The following CA10 variants were observed in gnomAD, a reference collection of about 807,000 sequenced individuals.
CA10 encodes carbonic anhydrase-related protein 10.
In CA10, 14 loss-of-function variants were observed where a neutral mutation model predicts 44.2. The ratio of observed to expected loss-of-function variants is 0.32; its 90% CI spans 0.21 to 0.50. CA10 has a LOEUF of 0.50. CA10 is among the 20% of genes least tolerant of loss of function. CA10 has a pLI of 0.99. For missense variants in CA10, 350 were observed against 409.7 expected, an observed-to-expected ratio of 0.85 and a Z score of 1.26; for synonymous variants, 159 against 141.6, an observed-to-expected ratio of 1.12 and a Z score of -0.87.
At chr17:52,069,481 T>A (rs959722486) in intron 2 of CA10, among the ~76,000 whole-genome samples, 1 of 152,138 alleles carries the variant, frequency 6.6e-6, no homozygotes, top group African/African-American at 2.4e-5. Flanking sequence ...GTAAACAACA[T>A]CTGTTAAACA....
chr17:51,706,749 C>G (rs1226325371), intron 4 of CA10, among the ~76,000 whole-genome samples: 1 of 152,188 alleles, frequency 6.6e-6, no homozygotes, highest in African/African-American at 2.4e-5. Flanking sequence ...ATCCTATGCA[C>G]TCTCTCCTAA....
chr17:52,005,347 CATTA>C (rs1464169341), intron 2 of CA10, among the ~76,000 whole-genome samples: 7 of 151,848 alleles, frequency 4.6e-5, no homozygotes, highest in Non-Finnish European at 1.0e-4. Context: ...TTTTAATCTC[CATTA>C]ATTATTGATC....
intron 1 of CA10, among the ~76,000 whole-genome samples, chr17:52,130,848 C>T (rs572186792): frequency 6.6e-6 from 1 of 151,962 alleles, no homozygotes; most frequent in Non-Finnish European, 1.5e-5. Context: ...CAGGCACACA[C>T]CACCAAAGGA....
In CA10 at chr17:51,670,737, G is replaced by GGCT. The variant is rs139182365; in HGVS notation, c.466-17004_466-17002dup. ...ATTATTGGGCTATAATGTGAGCCAG[G>GGCT]GCTGTGTTAGCCTGTTCTGATGCAT... On this transcript the variant is annotated intron_variant, in intron 4 of 8. Coordinates refer to ENST00000451037, the MANE Select transcript of CA10 (RefSeq NM_020178.5). Among the ~76,000 whole-genome samples, 957 of 152,206 alleles carry GGCT rather than the reference G, an allele frequency of 6.3e-3. 8 individuals are homozygous for GGCT. The highest frequency in any genetic ancestry group is 0.022 in the African/African-American group (920 of 41,518).
At chr17:51,947,249 C>T (rs1983315490) in intron 2 of CA10, among the ~76,000 whole-genome samples, 1 of 125,090 alleles carries the variant, frequency 8.0e-6, no homozygotes, top group African/African-American at 2.9e-5. Context: ...AAAAAAAAAG[C>T]CAAAAACCTT....
At chr17:51,831,699 G>T (rs148930319) in intron 3 of CA10, among the ~76,000 whole-genome samples, 64 of 66,204 alleles carry the variant, frequency 9.7e-4, no homozygotes, top group African/African-American at 4.3e-3. Flanking sequence ...AGCAGCAGCA[G>T]CAGCAGCAGC....
chr17:51,899,045 G>T (rs1981197404), intron 3 of CA10, among the ~76,000 whole-genome samples: 1 of 151,782 alleles, frequency 6.6e-6, no homozygotes, highest in African/African-American at 2.4e-5. Context: ...ATTTCATTTA[G>T]TTTAGCTCTG....
intron 6 of CA10, among the ~76,000 whole-genome samples, chr17:51,640,424 A>G (rs1913032921): frequency 6.6e-6 from 1 of 152,058 alleles, no homozygotes; most frequent in Non-Finnish European, 1.5e-5. Context: ...CCCTGTTTCC[A>G]TCTCCATATG....
intron 1 of CA10, among the ~76,000 whole-genome samples, chr17:52,146,390 T>C (rs1211039661): frequency 6.6e-6 from 1 of 151,930 alleles, no homozygotes; most frequent in East Asian, 1.9e-4. Context: ...TGAAACACCA[T>C]GGTAAAAAAA....
At chr17:52,037,659 GC>G (rs1986655131) in intron 2 of CA10, among the ~76,000 whole-genome samples, 1 of 152,004 alleles carries the variant, frequency 6.6e-6, no homozygotes, top group Non-Finnish European at 1.5e-5. Flanking sequence ...GACATTCCAA[GC>G]CCTCTGTGAT....
chr17:51,804,993 G>T (rs1907073666), intron 3 of CA10, among the ~76,000 whole-genome samples: 1 of 152,126 alleles, frequency 6.6e-6, no homozygotes, highest in African/African-American at 2.4e-5. Context: ...ATATTGCTGG[G>T]CTCCTCTGTG....
intron 3 of CA10, among the ~76,000 whole-genome samples, chr17:51,797,309 T>C (rs899293344): frequency 6.6e-6 from 1 of 152,190 alleles, no homozygotes; most frequent in African/African-American, 2.4e-5. Flanking sequence ...GGCTTCAAAC[T>C]CTATCTTGTT....
intron 2 of CA10, among the ~76,000 whole-genome samples, chr17:52,051,526 G>A (rs543001480): frequency 2.0e-5 from 3 of 150,196 alleles, no homozygotes; most frequent in East Asian, 1.9e-4. Flanking sequence ...CAGCCAACAA[G>A]TCTACAAAAA....
chr17:51,853,734 G>A (rs968914732), intron 3 of CA10, among the ~76,000 whole-genome samples: 11 of 152,152 alleles, frequency 7.2e-5, no homozygotes, highest in African/African-American at 2.2e-4. Flanking sequence ...TCATGGGGGC[G>A]GTTTCCCCCA....
At chr17:51,734,181 G>T (rs572817156) in intron 4 of CA10, among the ~76,000 whole-genome samples, 2 of 118,848 alleles carry the variant, frequency 1.7e-5, no homozygotes, top group South Asian at 2.5e-4. Context: ...CTTTGGTTGG[G>T]GGGGGGGGGT....
intron 2 of CA10, among the ~76,000 whole-genome samples, chr17:51,934,311 C>G (rs1362528919): frequency 6.6e-6 from 1 of 152,066 alleles, no homozygotes; most frequent in Non-Finnish European, 1.5e-5. Context: ...CGAGGAAGGA[C>G]AGAGTAAAGA....
intron 4 of CA10, among the ~76,000 whole-genome samples, chr17:51,667,199 G>A (rs990482511): frequency 6.6e-6 from 1 of 152,136 alleles, no homozygotes; most frequent in Non-Finnish European, 1.5e-5. Flanking sequence ...CATTGAAAAA[G>A]GAATTGTGAC....
chr17:52,125,682 T>A (rs781010374), intron 1 of CA10, among the ~76,000 whole-genome samples: 1 of 152,064 alleles, frequency 6.6e-6, no homozygotes, highest in African/African-American at 2.4e-5. Context: ...ATCCTTATAG[T>A]TTTTTTTCTT....
intron 1 of CA10, among the ~76,000 whole-genome samples, chr17:52,117,169 A>G (rs1988915245): frequency 6.6e-6 from 1 of 152,070 alleles, no homozygotes; most frequent in South Asian, 2.1e-4. Flanking sequence ...TGACTGAATT[A>G]TTTTTCTCCA....
Sources: gnomAD v4.1 joint callset for allele counts (sites outside exome capture counted in the v4.1 genomes callset) on GRCh38, gnomAD v4.1.1 for gene constraint, MANE v1.5 for transcripts, NCBI Gene and HGNC (gene_info 2026-07-23, HGNC 2026-07-21) for gene names.